Variants in PLEKHG4B observed in about 807,000 individuals in gnomAD.
PLEKHG4B encodes the protein pleckstrin homology domain-containing family G member 4B.
In PLEKHG4B, 111 loss-of-function variants were observed where a neutral mutation model predicts 121.3. That is an observed-to-expected ratio of 0.92 (90% CI 0.78 to 1.07). The LOEUF (loss-of-function observed/expected upper bound fraction) is 1.07, where lower values mean the gene tolerates loss of function less well. Among genes scored for constraint, PLEKHG4B ranks in the 50% least tolerant of loss-of-function variants. The pLI is 0.00. For synonymous variants in PLEKHG4B, 738 were observed against 725.0 expected (o/e 1.02, Z -0.29); for missense variants, 1,831 against 1,757.8 (o/e 1.04, Z -0.74).
At chr5:114,133 T>A (rs1438399024) in intron 2 of PLEKHG4B, among the ~76,000 whole-genome samples, 1 of 152,196 alleles carries the variant, frequency 6.6e-6, no homozygotes, top group African/African-American at 2.4e-5. Context: ...TCATAATCTC[T>A]TTATTGGTGG....
rs1340288460 is a variant in PLEKHG4B, at chr5:137,238, G to A, written c.244-2245G>A. On this transcript the variant is annotated intron_variant, in intron 2 of 19. Coordinates refer to ENST00000637938, the MANE Select transcript of PLEKHG4B (RefSeq NM_052909.5). The surrounding 1 kb of genome is among the most constrained non-coding windows in gnomAD (Gnocchi z 4.2). Reference sequence around the variant, plus strand: ...CGTCAAGACAGGAAGTGGAATGGTGGGTGCCAGGGGCTCAGGGGCAGGGGA... The same window carrying A: ...CGTCAAGACAGGAAGTGGAATGGTGAGTGCCAGGGGCTCAGGGGCAGGGGA... Among the ~76,000 whole-genome samples the A allele has an allele frequency of 6.6e-6, 1 of 152,146 alleles. No individual in the cohort carries two copies. The highest frequency in any genetic ancestry group is 2.4e-5 in the African/African-American group (1 of 41,430).
intron 2 of PLEKHG4B, among the ~76,000 whole-genome samples, chr5:128,985 G>T (rs920364958): frequency 6.6e-6 from 1 of 152,152 alleles, no homozygotes; most frequent in Non-Finnish European, 1.5e-5. Flanking sequence ...AAAGACTGAC[G>T]AAACAGATTC....
At chr5:141,578 G>A (rs1288122348) in intron 3 of PLEKHG4B, among the ~76,000 whole-genome samples, 4 of 151,908 alleles carry the variant, frequency 2.6e-5, no homozygotes, top group South Asian at 4.2e-4. Flanking sequence ...ATCCAGATCC[G>A]TAGACTCAGT....
At chr5:148,239 G>T (rs969391078) in intron 6 of PLEKHG4B, among the ~76,000 whole-genome samples, 3 of 151,316 alleles carry the variant, frequency 2.0e-5, no homozygotes, top group Non-Finnish European at 2.9e-5. Context: ...ACAAGAAAAA[G>T]TGGGGGGTGG....
intron 2 of PLEKHG4B, among the ~76,000 whole-genome samples, chr5:131,439 C>A (rs1163478094): frequency 1.3e-5 from 2 of 152,142 alleles, no homozygotes; most frequent in African/African-American, 4.8e-5. Flanking sequence ...AGGACATGAA[C>A]TCATGCTTTT....
rs748531298 is a variant in PLEKHG4B, at chr5:184,309, C to T, written c.*1986C>T. 6.6e-6 allele frequency: 1 copy of T among 152,194 alleles called. No homozygotes were observed. The highest frequency in any genetic ancestry group is 1.5e-5 in the Non-Finnish European group (1 of 68,050). The allele number at this position is 152,194 out of a possible 1,614,324, so 9.4% of individuals were successfully genotyped here. A position where few individuals can be genotyped will look rare whatever the true frequency, so the allele number is the denominator to read the frequency against. ...CACATCATAATCAAATTGCATATAACCAGTGATAAACAGAAAATCCTAAAA... is the reference window on the plus strand; with the variant it reads ...CACATCATAATCAAATTGCATATAATCAGTGATAAACAGAAAATCCTAAAA... On this transcript the variant is annotated 3_prime_UTR_variant, in exon 20 of 20. Transcript: ENST00000637938.
chr5:95,106 T>C (rs1318033889), intron 1 of PLEKHG4B, among the ~76,000 whole-genome samples: 2 of 152,224 alleles, frequency 1.3e-5, no homozygotes, highest in African/African-American at 4.8e-5. Context: ...AGCTTTTGAA[T>C]TCTTTTTGAT....
At chr5:155,036 A>C (rs79212384) in intron 8 of PLEKHG4B, 45 bp downstream of exon 8, 5 of 1,481,298 alleles carry the variant, frequency 3.4e-6, no homozygotes, top group Non-Finnish European at 3.7e-6. Context: ...GTCTCTGGGG[A>C]CTTTCTGTTA....
Position 157,480 on chromosome 5 carries a change from G to A in PLEKHG4B, c.2487+569G>A, listed in dbSNP as rs1735826919. Among the ~76,000 whole-genome samples the A allele has an allele frequency of 6.6e-6, 1 of 152,184 alleles. No homozygotes were observed. On this transcript the variant is annotated intron_variant, in intron 11 of 19. Coordinates refer to ENST00000637938, the MANE Select transcript of PLEKHG4B (RefSeq NM_052909.5). The surrounding 1 kb of genome is among the most constrained non-coding windows in gnomAD (Gnocchi z 4.6). ...CATTGGTGGGGGTTGGCCACACGCT[G>A]CTGGACTACAGGGTGTGAGTTGTGC...
intron 2 of PLEKHG4B, among the ~76,000 whole-genome samples, chr5:135,153 A>G (rs1734916701): frequency 7.0e-6 from 1 of 142,530 alleles, no homozygotes; most frequent in Non-Finnish European, 1.5e-5. Flanking sequence ...ACACCACTGC[A>G]CTCCAGCCTG....
chr5:156,162 C>T lies in PLEKHG4B; in HGVS notation c.2300C>T (p.Thr767Ile), dbSNP rs964235551. 2.5e-6 allele frequency: 4 copies of T among 1,589,278 alleles called. No individual in the cohort carries two copies. Among genetic ancestry groups the T allele is most frequent in the Non-Finnish European group, 3.4e-6 (4 of 1,168,408 alleles). Residue 767 changes from threonine to isoleucine, a missense_variant, in exon 10 of 20, where the codon ACC becomes ATC. Coordinates refer to ENST00000637938, the MANE Select transcript of PLEKHG4B (RefSeq NM_052909.5). This position sits in a 1 kb window ranked among gnomAD's most constrained non-coding sequence, Gnocchi z 4.4. ...GTGTCTCTCAGGCTGGAGGGGGGCA[C>T]CGTCCTGGCGCGGCTGAGGAGAGAA... is the stretch of plus-strand genomic sequence containing the variant. Reference protein sequence around the residue: ...LLVSLRLEGGTVLARLRREEL... With the variant: ...LLVSLRLEGGIVLARLRREEL...
intron 2 of PLEKHG4B, among the ~76,000 whole-genome samples, chr5:123,688 G>A (rs1348017094): frequency 6.6e-6 from 1 of 151,992 alleles, no homozygotes; most frequent in African/African-American, 2.4e-5. Context: ...TTTTATTTCT[G>A]TAGAATCAGT....
chr5:167,911 T>A (rs1421780967), intron 13 of PLEKHG4B, among the ~76,000 whole-genome samples: 1 of 152,200 alleles, frequency 6.6e-6, no homozygotes, highest in Non-Finnish European at 1.5e-5. Context: ...AATAAAAAAA[T>A]TAAAAAATAC....
At chr5:179,947 G>T (rs543718549) in intron 18 of PLEKHG4B, among the ~76,000 whole-genome samples, 1 of 152,004 alleles carries the variant, frequency 6.6e-6, no homozygotes, top group Non-Finnish European at 1.5e-5. Flanking sequence ...GATGGATTTC[G>T]GTTTCCTTTT....
intron 6 of PLEKHG4B, among the ~76,000 whole-genome samples, chr5:150,839 C>T (rs765641535): frequency 1.3e-5 from 2 of 152,184 alleles, no homozygotes; most frequent in Admixed American, 6.5e-5. Context: ...AGCCAGAAAT[C>T]CCACTCCTAG....
At chr5:143,339 G>A in intron 4 of PLEKHG4B, 41 bp from the exon 5 acceptor site, 1 of 1,608,334 alleles carries the variant, frequency 6.2e-7, no homozygotes, top group Non-Finnish European at 8.5e-7. Context: ...CACCTTGTAG[G>A]AGTGAAGCCC....
intron 1 of PLEKHG4B, among the ~76,000 whole-genome samples, chr5:108,158 A>C (rs1734031504): frequency 6.6e-6 from 1 of 152,150 alleles, no homozygotes; most frequent in Non-Finnish European, 1.5e-5. Context: ...TTGCTGGGTG[A>C]AGCTTTTCAC....
intron 6 of PLEKHG4B, among the ~76,000 whole-genome samples, chr5:146,960 T>C (rs1392941698): frequency 1.3e-5 from 2 of 152,026 alleles, no homozygotes; most frequent in Non-Finnish European, 2.9e-5. Context: ...GGAGACAGGC[T>C]CAGTCATGAC....
intron 1 of PLEKHG4B, among the ~76,000 whole-genome samples, chr5:110,175 C>T (rs1250515193): frequency 1.3e-5 from 2 of 148,472 alleles, no homozygotes; most frequent in Non-Finnish European, 3.0e-5. Context: ...CGTGCACACA[C>T]CGGCCACTCT....
Sources: gnomAD v4.1 joint callset for allele counts (sites outside exome capture counted in the v4.1 genomes callset) on GRCh38, gnomAD v4.1.1 for gene constraint, Gnocchi (gnomAD v3.1) non-coding constraint, MANE v1.5 for transcripts, NCBI Gene and HGNC (gene_info 2026-07-23, HGNC 2026-07-21) for gene names.